Variants in FLT3 observed in about 807,000 individuals in gnomAD.
FLT3 encodes the protein fms related receptor tyrosine kinase 3, also known as receptor-type tyrosine-protein kinase FLT3.
Under a neutral mutation model 126.6 loss-of-function variants are expected in FLT3, and 46 were observed. That is an observed-to-expected ratio of 0.36 (90% confidence interval 0.29 to 0.46). FLT3 has a LOEUF of 0.46. Among genes scored for constraint, FLT3 ranks in the 20% least tolerant of loss-of-function variants. The probability of loss-of-function intolerance (pLI) is 1.00; values close to 1 mark genes in which losing one functional copy is unlikely to be tolerated. For missense variants in FLT3, 1,069 were observed against 1,190.3 expected, an observed-to-expected ratio of 0.90 and a Z score of 1.50; for synonymous variants, 404 against 434.4, an observed-to-expected ratio of 0.93 and a Z score of 0.87.
intron 23 of FLT3, among the ~76,000 whole-genome samples, chr13:28,004,826 A>T (rs1003739679): frequency 9.8e-5 from 15 of 152,314 alleles, no homozygotes; most frequent in Admixed American, 9.2e-4. Flanking sequence ...TCACCCTAGA[A>T]ATCCTAAAAC....
chr13:28,084,741 C>T (rs901497761), intron 1 of FLT3, among the ~76,000 whole-genome samples: 4 of 151,920 alleles, frequency 2.6e-5, no homozygotes, highest in Non-Finnish European at 5.9e-5. Flanking sequence ...TTTGGGAGGC[C>T]GAGGAGGGCG....
At chr13:28,015,109 AC>A (rs1269710947) in intron 22 of FLT3, 47 bp downstream of exon 22, 1 of 1,174,470 alleles carries the variant, frequency 8.5e-7, no homozygotes, top group East Asian at 2.4e-5. Context: ...AAGTAGACAG[AC>A]TGTACCTTTC....
At chr13:28,013,579 G>A (rs1323813951) in intron 23 of FLT3, among the ~76,000 whole-genome samples, 1 of 152,162 alleles carries the variant, frequency 6.6e-6, no homozygotes, top group Admixed American at 6.5e-5. Flanking sequence ...GGTGTTGATG[G>A]GGGAAGCGTT....
rs181671778 is a variant in FLT3, at chr13:28,022,294, T to G, written c.2418+1056A>C. Among the ~76,000 whole-genome samples the G allele has an allele frequency of 3.3e-3, 503 of 152,186 alleles. 1 individual carries two copies. The highest frequency in any genetic ancestry group is 0.02 in the Middle Eastern group (6 of 294). ...TGGGAGGCTGAGGCAGGTGGATTGCTTGAGCTCAGGATTTCAAGACCAGCC... is the reference window on the plus strand; with the variant it reads ...TGGGAGGCTGAGGCAGGTGGATTGCGTGAGCTCAGGATTTCAAGACCAGCC... On this transcript the variant is annotated intron_variant, in intron 19 of 23. Coordinates refer to ENST00000241453, the MANE Select transcript of FLT3 (RefSeq NM_004119.3).
chr13:28,050,841 TTA>T (rs1491390503), intron 5 of FLT3, among the ~76,000 whole-genome samples: 6 of 74,886 alleles, frequency 8.0e-5, no homozygotes, highest in Non-Finnish European at 7.4e-5. Context: ...TGGTCCTATT[TTA>T]AAAAAAAAAA....
At chr13:28,087,686 AC>A (rs1878764603) in intron 1 of FLT3, among the ~76,000 whole-genome samples, 1 of 151,776 alleles carries the variant, frequency 6.6e-6, no homozygotes. Context: ...GAAGTTCTGT[AC>A]CTCCCTAATT....
intron 1 of FLT3, among the ~76,000 whole-genome samples, chr13:28,090,823 C>A (rs1458703615): frequency 2.0e-5 from 3 of 152,082 alleles, no homozygotes; most frequent in Non-Finnish European, 4.4e-5. Context: ...AATTTGCCAC[C>A]ATCAATATTA....
At chr13:28,087,138 T>C (rs990100785) in intron 1 of FLT3, among the ~76,000 whole-genome samples, 1 of 152,206 alleles carries the variant, frequency 6.6e-6, no homozygotes. Context: ...GGCATGATCA[T>C]AGCTCACTAC....
chr13:28,072,775 G>A (rs1328697957), intron 1 of FLT3, among the ~76,000 whole-genome samples: 3 of 151,854 alleles, frequency 2.0e-5, no homozygotes, highest in Admixed American at 1.3e-4. Flanking sequence ...AGGCCGAGGC[G>A]GGTGGATCAC....
At chr13:28,092,413 C>A (rs1208817578) in intron 1 of FLT3, among the ~76,000 whole-genome samples, 1 of 152,064 alleles carries the variant, frequency 6.6e-6, no homozygotes, top group Non-Finnish European at 1.5e-5. Flanking sequence ...ACCACCCAGG[C>A]TGGAGTGCAG....
chr13:28,003,857 T>A lies in FLT3; in HGVS notation c.*195A>T. The A allele has an allele frequency of 1.6e-6, 1 of 614,260 alleles. No homozygotes were observed. The highest frequency in any genetic ancestry group is 1.9e-5 in the African/African-American group (1 of 54,016). 38.1% of individuals were successfully genotyped at this position (614,260 alleles called of 1,614,324 possible). A position where few individuals can be genotyped will look rare whatever the true frequency, so the allele number is the denominator to read the frequency against. ...AGTTCATTATCAGCTCCTCCTGCCT[T>A]GTGACAGGATGATTTGATTTTACAA... On this transcript the variant is annotated 3_prime_UTR_variant, in exon 24 of 24. Coordinates refer to ENST00000241453, the MANE Select transcript of FLT3 (RefSeq NM_004119.3).
intron 19 of FLT3, among the ~76,000 whole-genome samples, chr13:28,021,782 G>A (rs992483085): frequency 1.5e-4 from 23 of 148,604 alleles, no homozygotes; most frequent in Admixed American, 7.4e-4. Context: ...TCACTCTGTC[G>A]CCCAGGCTGG....
intron 9 of FLT3, among the ~76,000 whole-genome samples, chr13:28,047,494 T>C (rs1214427051): frequency 6.6e-6 from 1 of 152,080 alleles, no homozygotes; most frequent in African/African-American, 2.4e-5. Flanking sequence ...GTGAATCTCC[T>C]GAGCTCAAGA....
At chr13:28,078,275 G>A (rs113377392) in intron 1 of FLT3, among the ~76,000 whole-genome samples, 24 of 152,326 alleles carry the variant, frequency 1.6e-4, no homozygotes, top group African/African-American at 5.5e-4. Context: ...CCCTGCCCCT[G>A]CAGCAAACTT....
rs530494290 is a variant in FLT3, at chr13:28,050,112, G to C, written c.725C>G (p.Thr242Ser). The change falls in exon 6 of 24, where the codon ACC (threonine) becomes AGC (serine). Residue 242 changes from threonine to serine, a missense_variant. Coordinates refer to ENST00000241453, the MANE Select transcript of FLT3 (RefSeq NM_004119.3). ...CARNELGRECTRLFTIDLNQT... is the reference protein window; with the variant it reads ...CARNELGRECSRLFTIDLNQT... ...AGTGTTACCTATTGTGAACAGCCTG[G>C]TGCATTCCCTGCCCAGTTCATTTCT... The C allele has an allele frequency of 7.4e-6, 12 of 1,614,108 alleles. No individual in the cohort carries two copies. The East Asian group carries it at 8.9e-5, about 12-fold the overall frequency.
At chr13:28,035,704 A>G (rs779919727) in intron 11 of FLT3, 31 bp from the exon 12 acceptor site, 2 of 1,588,924 alleles carry the variant, frequency 1.3e-6, no homozygotes, top group South Asian at 1.2e-5. Context: ...GAATTTAGAC[A>G]GGTGAGCTGT....
chr13:28,046,784 T>A (rs908879128), intron 9 of FLT3, among the ~76,000 whole-genome samples: 3 of 152,032 alleles, frequency 2.0e-5, no homozygotes, highest in Non-Finnish European at 2.9e-5. Context: ...TCTGTAGAGA[T>A]GGGATTTTGC....
intron 17 of FLT3, among the ~76,000 whole-genome samples, chr13:28,026,169 G>A (rs921082785): frequency 1.3e-5 from 2 of 151,922 alleles, no homozygotes; most frequent in Non-Finnish European, 2.9e-5. Flanking sequence ...TGACCAACAT[G>A]GTGAAACCCT....
chr13:28,082,115 C>G (rs1372071862), intron 1 of FLT3, among the ~76,000 whole-genome samples: 1 of 151,256 alleles, frequency 6.6e-6, no homozygotes, highest in Non-Finnish European at 1.5e-5. Context: ...CTCACCCTCC[C>G]AAAGTGCTGG....
Sources: allele counts gnomAD v4.1 joint callset (sites outside exome capture counted in the v4.1 genomes callset), GRCh38; gene constraint gnomAD v4.1.1; transcripts MANE v1.5; gene names NCBI Gene and HGNC (gene_info 2026-07-23, HGNC 2026-07-21).